STAM2: variants seen among roughly 807,000 people sequenced by gnomAD.
STAM2 encodes signal transducing adaptor molecule 2.
In STAM2, 51 loss-of-function variants were observed where a neutral mutation model predicts 65.6. That is an observed-to-expected ratio of 0.78 (90% CI 0.62 to 0.98). The LOEUF (loss-of-function observed/expected upper bound fraction) is 0.98. Ranked by LOEUF, STAM2 falls within the 50% of genes least tolerant of loss-of-function variation. The pLI is 0.00. For synonymous variants in STAM2, 198 were observed against 208.4 expected (o/e 0.95, Z 0.43); for missense variants, 584 against 617.8 (o/e 0.95, Z 0.58).
chr2:152,121,417 T>C (rs889773437), intron 13 of STAM2, among the ~76,000 whole-genome samples: 14 of 152,314 alleles, frequency 9.2e-5, no homozygotes, highest in African/African-American at 3.4e-4. Context: ...ATGCAAACTG[T>C]TCCTGACAGA....
At chr2:152,157,131 G>A (rs1003216237) in intron 1 of STAM2, among the ~76,000 whole-genome samples, 1 of 152,132 alleles carries the variant, frequency 6.6e-6, no homozygotes, top group African/African-American at 2.4e-5. Flanking sequence ...AGTAGAGAAG[G>A]ACTAGCCCAA....
At chr2:152,126,169 C>A (rs1427142266) in intron 12 of STAM2, 57 bp downstream of exon 12, 11 of 1,417,276 alleles carry the variant, frequency 7.8e-6, no homozygotes, top group Non-Finnish European at 1.0e-5. Context: ...AAAACATTTT[C>A]TTTTACTTTT....
At chr2:152,174,011 A>G (rs377597405) in intron 1 of STAM2, among the ~76,000 whole-genome samples, 5 of 152,262 alleles carry the variant, frequency 3.3e-5, no homozygotes, top group African/African-American at 1.2e-4. Context: ...TTTAATCTCA[A>G]CAGCAGTGCC....
At position 152,148,209 on chromosome 2, in the gene STAM2, C is replaced by T. The variant is rs769019351; in HGVS notation, c.201+16G>A. The T allele has an allele frequency of 1.2e-6, 2 of 1,602,634 alleles. No individual in the cohort carries two copies. The highest frequency in any genetic ancestry group is 1.7e-6 in the Non-Finnish European group (2 of 1,174,942). On this transcript the variant is annotated intron_variant, in intron 3 of 13. Transcript: ENST00000263904. ...ATTTAAAATTTGCGTCAAATAATAA[C>T]ATGCCTTGTACTCACAGTTAGTGCT...
intron 6 of STAM2, 53 bp downstream of exon 6, chr2:152,144,835 C>T: frequency 6.5e-7 from 1 of 1,527,296 alleles, no homozygotes; most frequent in Non-Finnish European, 9.0e-7. Flanking sequence ...CCGCGCCCAG[C>T]CCTGGCAAAG....
chr2:152,128,134 G>A (rs934001896), intron 11 of STAM2, among the ~76,000 whole-genome samples: 9 of 152,130 alleles, frequency 5.9e-5, no homozygotes, highest in Non-Finnish European at 1.3e-4. Context: ...CAGGCCGGGC[G>A]CGGTGGCTTA....
intron 8 of STAM2, among the ~76,000 whole-genome samples, chr2:152,134,352 C>T (rs1418848075): frequency 6.6e-6 from 1 of 152,298 alleles, no homozygotes; most frequent in South Asian, 2.1e-4. Context: ...ATCCCCTGAG[C>T]ATGATCTATA....
intron 1 of STAM2, among the ~76,000 whole-genome samples, chr2:152,155,924 T>C (rs1689534526): frequency 6.6e-6 from 1 of 152,202 alleles, no homozygotes; most frequent in African/African-American, 2.4e-5. Context: ...TAAGAATCTA[T>C]CCTTTCTTCA....
In STAM2 at chr2:152,132,541, A is replaced by T. The variant is rs1689083217; in HGVS notation, c.971-373T>A. Among the ~76,000 whole-genome samples the T allele has an allele frequency of 3.3e-5, 5 of 152,280 alleles. No homozygotes were observed. The South Asian group carries it at 1.0e-3, about 32-fold the overall frequency. On this transcript the variant is annotated intron_variant, in intron 10 of 13. Transcript: ENST00000263904. Reference sequence around the variant, plus strand: ...TGCCCATCAGATATGAAGATTTTTCATTTACTTAAGACATTTCAAGATTAA... The same window carrying T: ...TGCCCATCAGATATGAAGATTTTTCTTTTACTTAAGACATTTCAAGATTAA...
intron 7 of STAM2, among the ~76,000 whole-genome samples, chr2:152,142,636 A>G (rs1689268589): frequency 6.6e-6 from 1 of 152,194 alleles, no homozygotes; most frequent in South Asian, 2.1e-4. Flanking sequence ...GTTACATGAG[A>G]TATTCAATAC....
At chr2:152,123,734 CAT>C (rs777061145) in intron 13 of STAM2, 30 bp downstream of exon 13, 10 of 1,603,336 alleles carry the variant, frequency 6.2e-6, no homozygotes, top group African/African-American at 5.4e-5. Flanking sequence ...AAAATTAACA[CAT>C]ATAAAATTAA....
At position 152,120,593 on chromosome 2, in the gene STAM2, T is replaced by C. The variant is rs771801034; in HGVS notation, c.1559A>G (p.His520Arg). ...HPVAQQHTNY[H>R]QQPLL ...TTGTTTCTAAAGGAGAGGCTGCTGA[T>C]GGTAATTTGTGTGCTGCTGTGCAAC... is the stretch of plus-strand genomic sequence containing the variant. Residue 520 changes from histidine (H) to arginine (R), a missense_variant, in exon 14 of 14, where the codon CAT (histidine) becomes CGT (arginine). Coordinates refer to ENST00000263904, the MANE Select transcript of STAM2 (RefSeq NM_005843.6). The C allele has an allele frequency of 4.3e-6, 7 of 1,614,080 alleles. No individual in the cohort carries two copies. Among genetic ancestry groups the C allele is most frequent in the Admixed American group, 3.3e-5 (2 of 60,002 alleles).
intron 11 of STAM2, among the ~76,000 whole-genome samples, chr2:152,129,622 C>T (rs1689021802): frequency 6.6e-6 from 1 of 152,138 alleles, no homozygotes; most frequent in Non-Finnish European, 1.5e-5. Context: ...TGTGGACATA[C>T]ACTCAGCCCT....
chr2:152,138,663 C>T (rs12621378), intron 7 of STAM2, among the ~76,000 whole-genome samples: 34,862 of 151,936 alleles, frequency 0.23, 4,095 homozygotes, highest in Admixed American at 0.31. Flanking sequence ...TAGAAAGAGA[C>T]GAAAGAGTTA....
chr2:152,151,595 ACACC>A (rs1458032453), intron 1 of STAM2, among the ~76,000 whole-genome samples: 3 of 152,240 alleles, frequency 2.0e-5, no homozygotes. Flanking sequence ...TGTACAACTA[ACACC>A]AGTATCTAAT....
At chr2:152,162,500 G>GC (rs1436045247) in intron 1 of STAM2, among the ~76,000 whole-genome samples, 1 of 152,182 alleles carries the variant, frequency 6.6e-6, no homozygotes, top group African/African-American at 2.4e-5. Flanking sequence ...GAATACATGA[G>GC]CCCAGGAGTT....
intron 5 of STAM2, among the ~76,000 whole-genome samples, chr2:152,146,470 A>G (rs1038145054): frequency 5.3e-5 from 8 of 152,010 alleles, no homozygotes; most frequent in African/African-American, 1.9e-4. Context: ...ATGAGTCAAC[A>G]TCCCTGCCTC....
At chr2:152,166,943 G>A (rs943094086) in intron 1 of STAM2, among the ~76,000 whole-genome samples, 3 of 152,250 alleles carry the variant, frequency 2.0e-5, no homozygotes, top group South Asian at 2.1e-4. Flanking sequence ...CTAAGGGTAC[G>A]TTTACCGACC....
At chr2:152,143,238 T>C (rs1689281449) in intron 7 of STAM2, among the ~76,000 whole-genome samples, 1 of 152,208 alleles carries the variant, frequency 6.6e-6, no homozygotes, top group African/African-American at 2.4e-5. Context: ...AACTAAGTTA[T>C]TTATAATGGA....
Sources: gnomAD v4.1 joint callset for allele counts (sites outside exome capture counted in the v4.1 genomes callset) on GRCh38, gnomAD v4.1.1 for gene constraint, MANE v1.5 for transcripts, NCBI Gene and HGNC (gene_info 2026-07-23, HGNC 2026-07-21) for gene names.